The following VWA5B2 variants were observed in gnomAD, a reference collection of about 807,000 sequenced individuals.
VWA5B2 encodes the protein von Willebrand factor A domain containing 5B2, also known as von Willebrand factor A domain-containing protein 5B2.
A neutral mutation model predicts 118.5 loss-of-function variants in VWA5B2; 93 were observed. The ratio of observed to expected loss-of-function variants is 0.79; its 90% CI spans 0.66 to 0.93. The LOEUF is 0.93. Among genes scored for constraint, VWA5B2 ranks in the 40% least tolerant of loss-of-function variants. VWA5B2 has a pLI of 0.00. For missense variants in VWA5B2, 1,546 were observed against 1,672.8 expected (o/e 0.92, Z 1.32); for synonymous variants, 708 against 716.3 (o/e 0.99, Z 0.19).
At position 184,230,571 on chromosome 3, in the gene VWA5B2, CTCACGGACTCCTGGGTCCGGGCCTGCG is replaced by C; in HGVS notation, c.44_70del (p.Leu15_Ala24delinsPro). 1 of 1,479,912 alleles carries C rather than the reference CTCACGGACTCCTGGGTCCGGGCCTGCG, an allele frequency of 6.8e-7. No individual in the cohort carries two copies. Among genetic ancestry groups the C allele is most frequent in the South Asian group, 1.3e-5 (1 of 78,718 alleles). The allele number at this position is 1,479,912 out of a possible 1,614,324, so 91.7% of individuals were successfully genotyped here. A position where few individuals can be genotyped will look rare whatever the true frequency, so the allele number is the denominator to read the frequency against. On this transcript the variant is annotated inframe_deletion, in exon 2 of 20. Coordinates refer to ENST00000691901, the MANE Select transcript of VWA5B2 (RefSeq NM_001390846.1). ...CCCCTCCAGCTGGACGCCGCTGCCG[CTCACGGACTCCTGGGTCCGGGCCTGCG>C]CCAACGGCCCCTGCCTCAGCGTGCG... is the stretch of plus-strand genomic sequence containing the variant.
intron 3 of VWA5B2, among the ~76,000 whole-genome samples, chr3:184,231,672 TGAGGCCCAGC>T (rs1456843549): frequency 6.6e-6 from 1 of 152,226 alleles, no homozygotes; most frequent in Non-Finnish European, 1.5e-5. Flanking sequence ...CCTGGCACTA[TGAGGCCCAGC>T]GAGTGCCCGG....
At position 184,234,671 on chromosome 3, in the gene VWA5B2, G is replaced by A. The variant is rs1341780916; in HGVS notation, c.861G>A (p.Leu287=). The change falls in exon 7 of 20, where the codon CTG becomes CTA. Residue 287 remains leucine (L), a synonymous_variant. Coordinates refer to ENST00000691901, the MANE Select transcript of VWA5B2 (RefSeq NM_001390846.1). ...ACCTGATGCTGGAGGGCGGCAGCCT[G>A]AGCTCAGCAGAATATGAGGCCCGGG... ...QPHLMLEGGS[L]SSAEYEARVR... 3.9e-6 allele frequency: 6 copies of A among 1,551,256 alleles called. No homozygotes were observed. The highest frequency in any genetic ancestry group is 5.2e-6 in the Non-Finnish European group (6 of 1,147,012).
rs990906366 is a variant in VWA5B2, at chr3:184,242,282, T to A, written c.*244T>A. On this transcript the variant is annotated 3_prime_UTR_variant, in exon 20 of 20. Transcript: ENST00000691901. Reference sequence around the variant, plus strand: ...AGCTCCCTGCAACACAGTGGAAGGGTAGAGAGCCACAGTCCCCAAATCCTA... The same window carrying A: ...AGCTCCCTGCAACACAGTGGAAGGGAAGAGAGCCACAGTCCCCAAATCCTA... 6.8e-6 allele frequency: 5 copies of A among 739,576 alleles called. No homozygotes were observed. Among genetic ancestry groups the A allele is most frequent in the Non-Finnish European group, 1.1e-5 (5 of 435,284 alleles). The allele number at this position is 739,576 out of a possible 1,614,324, so 45.8% of individuals were successfully genotyped here. A position where few individuals can be genotyped will look rare whatever the true frequency, so the allele number is the denominator to read the frequency against.
intron 1 of VWA5B2, 72 bp from the exon 2 acceptor site, chr3:184,230,308 A>C: frequency 8.4e-6 from 4 of 475,878 alleles, no homozygotes; most frequent in Admixed American, 4.6e-5. Context: ...CTGCCCAGGT[A>C]ACGCGTGAGG....
intron 5 of VWA5B2, 124 bp from the exon 6 acceptor site, chr3:184,234,142 C>A (rs1402663208): frequency 8.1e-7 from 1 of 1,229,204 alleles, no homozygotes; most frequent in Non-Finnish European, 1.1e-6. Context: ...CTCCCTCGTC[C>A]ATCTGACCCC....
In VWA5B2 at chr3:184,230,763, G is replaced by T. The variant is rs1717306014; in HGVS notation, c.156G>T (p.Pro52=). 4 of 1,227,082 alleles carry T rather than the reference G, an allele frequency of 3.3e-6. No homozygotes were observed. Among genetic ancestry groups the T allele is most frequent in the South Asian group, 3.5e-5 (1 of 28,370 alleles). 76.0% of individuals were successfully genotyped at this position (1,227,082 alleles called of 1,614,324 possible). A position where few individuals can be genotyped will look rare whatever the true frequency, so the allele number is the denominator to read the frequency against. ...CCTCCCCAGGCGTGTTCGTGTACCC[G>T]CTGGCCGAGGCCGAGGTGGTGTCCG... ...PQPVDGVFVY[P]LAEAEVVSGF... is the part of the protein sequence containing the mutation. The change falls in exon 3 of 20, where the codon CCG becomes CCT. Residue 52 remains proline (P), a synonymous_variant. Transcript: ENST00000691901.
rs1718807658 is a variant in VWA5B2, at chr3:184,242,231, C to T, written c.*193C>T. On this transcript the variant is annotated 3_prime_UTR_variant, in exon 20 of 20. Transcript: ENST00000691901. Reference sequence around the variant, plus strand: ...TGTGCTCTCTCCCTCTCCTCCCACCCCACTCACACTCCCCTCCATCCTCTG... The same window carrying T: ...TGTGCTCTCTCCCTCTCCTCCCACCTCACTCACACTCCCCTCCATCCTCTG... 1 of 763,910 alleles carries T rather than the reference C, an allele frequency of 1.3e-6. No individual in the cohort carries two copies. The highest frequency in any genetic ancestry group is 2.1e-6 in the Non-Finnish European group (1 of 468,802). The allele number at this position is 763,910 out of a possible 1,614,324, so 47.3% of individuals were successfully genotyped here.
rs141618123 is a variant in VWA5B2 at position 184,231,954 on chromosome 3, G to T, written c.310+1037G>T. ...GAGCCAGCATTTGACTGCAAGAAAG[G>T]GTAGGACTCAGTTAAGTGGAAGGTA... On this transcript the variant is annotated intron_variant, in intron 3 of 19. Coordinates refer to ENST00000691901, the MANE Select transcript of VWA5B2 (RefSeq NM_001390846.1). 5.2e-3 allele frequency among the ~76,000 whole-genome samples: 791 copies of T among 152,272 alleles called. 6 individuals are homozygous for T. The highest frequency in any genetic ancestry group is 0.018 in the African/African-American group (759 of 41,542).
Position 184,230,803 on chromosome 3 carries a change from G to A in VWA5B2, c.196G>A (p.Ala66Thr). 1 of 1,248,786 alleles carries A rather than the reference G, an allele frequency of 8.0e-7. No homozygotes were observed. The highest frequency in any genetic ancestry group is 3.0e-5 in the South Asian group (1 of 33,440). The allele number at this position is 1,248,786 out of a possible 1,614,324, so 77.4% of individuals were successfully genotyped here. ...AEVVSGFEAE[A>T]AGRRVSFQLQ... ...GGTGGTGTCCGGCTTCGAGGCCGAG[G>A]CCGCCGGACGGCGCGTCTCCTTCCA... Residue 66 changes from alanine (A) to threonine (T), a missense_variant, in exon 3 of 20, where the codon GCC becomes ACC. This residue lies in a region of VWA5B2 where 775 missense variants were observed against 882.3 expected (regional missense o/e 0.88). Transcript: ENST00000691901.
At position 184,236,474 on chromosome 3, in the gene VWA5B2, G is replaced by A. The variant is rs1718012076; in HGVS notation, c.1344G>A (p.Leu448=). ...GGGCCTACCCTCGGCAGCTGTTCCTGCTCACTGCTGCCTCACCCATGGCCG... is the reference window on the plus strand; with the variant it reads ...GGGCCTACCCTCGGCAGCTGTTCCTACTCACTGCTGCCTCACCCATGGCCG... ...QHRAYPRQLF[L]LTAASPMAAT... is the part of the protein sequence containing the mutation. Residue 448 remains leucine, a synonymous_variant, in exon 10 of 20, where the codon CTG becomes CTA. Transcript: ENST00000691901. The A allele has an allele frequency of 6.5e-7, 1 of 1,546,692 alleles. No individual in the cohort carries two copies. The highest frequency in any genetic ancestry group is 1.4e-5 in the African/African-American group (1 of 73,064).
chr3:184,238,118 G>A lies in VWA5B2; in HGVS notation c.1720-185G>A, dbSNP rs1201933687. Reference sequence around the variant, plus strand: ...CAGGGAGCTCAGGGCCAAACTTAAAGCTCAGCTTCCCAGCAGCTCTATTAA... The same window carrying A: ...CAGGGAGCTCAGGGCCAAACTTAAAACTCAGCTTCCCAGCAGCTCTATTAA... On this transcript the variant is annotated intron_variant, in intron 12 of 19. Coordinates refer to ENST00000691901, the MANE Select transcript of VWA5B2 (RefSeq NM_001390846.1). The surrounding 1 kb of genome is among the most constrained non-coding windows in gnomAD (Gnocchi z 5.0). 6.6e-6 allele frequency among the ~76,000 whole-genome samples: 1 copy of A among 151,782 alleles called. No individual in the cohort carries two copies. The highest frequency in any genetic ancestry group is 1.5e-5 in the Non-Finnish European group (1 of 67,958).
rs761924578 is a variant in VWA5B2, at chr3:184,238,898, G to A, written c.2202+25G>A. ...GGTGAGATCCAACCCACATTCATTC[G>A]CCTTGTATCCAGCAAATATTTATTT... is the stretch of plus-strand genomic sequence containing the variant. On this transcript the variant is annotated intron_variant, in intron 14 of 19. Transcript: ENST00000691901. This position sits in a 1 kb window ranked among gnomAD's most constrained non-coding sequence, Gnocchi z 5.0. 8.2e-5 allele frequency: 119 copies of A among 1,458,492 alleles called. No individual in the cohort carries two copies. The highest frequency in any genetic ancestry group is 7.2e-4 in the Middle Eastern group (4 of 5,568). 90.3% of individuals were successfully genotyped at this position (1,458,492 alleles called of 1,614,324 possible).
Position 184,238,385 on chromosome 3 carries a change from C to T in VWA5B2, c.1802C>T (p.Thr601Ile), listed in dbSNP as rs1477600347. The T allele has an allele frequency of 2.5e-5, 38 of 1,550,694 alleles. No individual in the cohort carries two copies. The highest frequency in any genetic ancestry group is 3.1e-5 in the Non-Finnish European group (36 of 1,146,882). ...EEAPSAASPG[T>I]EPTGTSEPLG... is the part of the protein sequence containing the mutation. ...GCCCCGTCTGCTGCCAGCCCTGGCA[C>T]TGAGCCCACTGGCACCTCAGAGCCA... The change falls in exon 13 of 20, where the codon ACT (threonine) becomes ATT (isoleucine). Residue 601 changes from threonine to isoleucine, a missense_variant. By Grantham distance (89) the Thr-to-Ile change is moderately conservative. This residue lies in a region of VWA5B2 where 775 missense variants were observed against 882.3 expected (regional missense o/e 0.88). Transcript: ENST00000691901. The surrounding 1 kb of genome is among the most constrained non-coding windows in gnomAD (Gnocchi z 5.0).
Position 184,230,902 on chromosome 3 carries a change from C to T in VWA5B2, c.295C>T (p.Arg99Cys). 1 of 1,219,944 alleles carries T rather than the reference C, an allele frequency of 8.2e-7. No homozygotes were observed. The highest frequency in any genetic ancestry group is 1.0e-6 in the Non-Finnish European group (1 of 980,780). 75.6% of individuals were successfully genotyped at this position (1,219,944 alleles called of 1,614,324 possible). ...LGPGLGTPTP[R>C]RCAQGHLVLD... Reference sequence around the variant, plus strand: ...CCCGGGGCTGGGGACCCCGACGCCCCGCCGCTGCGCGCAGGGTGAGTTCCG... The same window carrying T: ...CCCGGGGCTGGGGACCCCGACGCCCTGCCGCTGCGCGCAGGGTGAGTTCCG... The change falls in exon 3 of 20, where the codon CGC becomes TGC. Residue 99 changes from arginine (R) to cysteine (C), a missense_variant. Physicochemically the swap from Arg to Cys is radical, Grantham distance 180 (BLOSUM62 -3). Transcript: ENST00000691901.
chr3:184,236,511 C>T lies in VWA5B2; in HGVS notation c.1381C>T (p.Arg461Ter), dbSNP rs1002051090. Residue 461 changes from arginine (R) to a stop codon, truncating the protein, a stop_gained, in exon 10 of 20, where the codon CGA (arginine) becomes TGA (stop). Transcript: ENST00000691901. LOFTEE classifies it high-confidence loss of function. ...AASPMAATTH[R>*]TLELMRWHRG... The stretch of plus-strand genomic sequence containing the variant: ...CTCACCCATGGCCGCCACTACCCAC[C>T]GAACCCTGGAGCTCATGAGGTGGCA... 4.5e-6 allele frequency: 7 copies of T among 1,548,766 alleles called. No homozygotes were observed. The highest frequency in any genetic ancestry group is 1.7e-4 in the Middle Eastern group (1 of 5,988).
At chr3:184,230,152 G>A (rs993240077) in intron 1 of VWA5B2, among the ~76,000 whole-genome samples, 39 of 152,232 alleles carry the variant, frequency 2.6e-4, no homozygotes, top group African/African-American at 9.1e-4. Flanking sequence ...GCCGCGGGGG[G>A]CCCCGGGGGG....
rs1717309227 is a variant in VWA5B2 at position 184,230,788 on chromosome 3, G to A, written c.181G>A (p.Gly61Ser). ...YPLAEAEVVS[G>S]FEAEAAGRRV... ...GCTGGCCGAGGCCGAGGTGGTGTCC[G>A]GCTTCGAGGCCGAGGCCGCCGGACG... The change falls in exon 3 of 20, where the codon GGC (glycine) becomes AGC (serine). Residue 61 changes from glycine to serine, a missense_variant. Transcript: ENST00000691901. 2.4e-6 allele frequency: 3 copies of A among 1,242,472 alleles called. No homozygotes were observed. The highest frequency in any genetic ancestry group is 3.1e-5 in the South Asian group (1 of 32,156). 77.0% of individuals were successfully genotyped at this position (1,242,472 alleles called of 1,614,324 possible). A position where few individuals can be genotyped will look rare whatever the true frequency, so the allele number is the denominator to read the frequency against.
chr3:184,232,908 T>G, intron 3 of VWA5B2: 1 of 521,364 alleles, frequency 1.9e-6, no homozygotes, highest in South Asian at 2.5e-5. Context: ...GCCTTGAGAG[T>G]GGACATGGCC....
chr3:184,240,639 G>A, intron 16 of VWA5B2, 152 bp from the exon 17 acceptor site: 1 of 1,045,300 alleles, frequency 9.6e-7, no homozygotes, highest in Non-Finnish European at 1.4e-6. Context: ...GTCAAAGTTG[G>A]GGAGTCTGAG....
Sources: gnomAD v4.1 joint callset for allele counts (sites outside exome capture counted in the v4.1 genomes callset) on GRCh38, gnomAD v4.1.1 for gene constraint, gnomAD v4.1.1 regional missense constraint, Gnocchi (gnomAD v3.1) non-coding constraint, MANE v1.5 for transcripts, NCBI Gene and HGNC (gene_info 2026-07-23, HGNC 2026-07-21) for gene names.